TNPO1: variants seen among roughly 807,000 people sequenced by gnomAD.
TNPO1 encodes the protein transportin 1.
Under a neutral mutation model 119.5 loss-of-function variants are expected in TNPO1, and 8 were observed. That is an observed-to-expected ratio of 0.07 (90% confidence interval 0.04 to 0.12). The LOEUF (loss-of-function observed/expected upper bound fraction) is 0.12, where lower values mean the gene tolerates loss of function less well. Ranked by LOEUF, TNPO1 falls within the 10% of genes least tolerant of loss-of-function variation. TNPO1 has a pLI of 1.00. For synonymous variants in TNPO1, 362 were observed against 363.0 expected (o/e 1.00, Z 0.03); for missense variants, 576 against 1,089.8 (o/e 0.53, Z 6.64).
chr5:72,878,252 TA>T (rs566738588), intron 9 of TNPO1, among the ~76,000 whole-genome samples: 135 of 152,260 alleles, frequency 8.9e-4, no homozygotes, highest in African/African-American at 2.9e-3. Flanking sequence ...TCTTTGTCAA[TA>T]AAAGGTTGTT....
chr5:72,840,128 C>T (rs394274), intron 1 of TNPO1, among the ~76,000 whole-genome samples: 125,128 of 152,058 alleles, frequency 0.82, 51,717 homozygotes, highest in Non-Finnish European at 0.86. Context: ...TAACGCAGAC[C>T]GCTCATAGTC....
chr5:72,819,319 A>C (rs1450909980), intron 1 of TNPO1, among the ~76,000 whole-genome samples: 1 of 152,214 alleles, frequency 6.6e-6, no homozygotes, highest in Non-Finnish European at 1.5e-5. Flanking sequence ...ATGGAGACAG[A>C]CACACCATAT....
At chr5:72,891,262 C>T (rs1003536403) in intron 14 of TNPO1, among the ~76,000 whole-genome samples, 1 of 151,998 alleles carries the variant, frequency 6.6e-6, no homozygotes, top group Non-Finnish European at 1.5e-5. Flanking sequence ...GTCAGGAGAT[C>T]GACACCATCC....
intron 1 of TNPO1, among the ~76,000 whole-genome samples, chr5:72,843,370 G>C (rs1006928153): frequency 1.3e-4 from 20 of 152,136 alleles, no homozygotes; most frequent in Non-Finnish European, 2.9e-5. Context: ...GAGGCGGGCA[G>C]ATCACTTGAG....
In TNPO1 at chr5:72,899,770, T is replaced by A. The variant is rs577817719; in HGVS notation, c.2339-236T>A. On this transcript the variant is annotated intron_variant, in intron 20 of 24. Coordinates refer to ENST00000337273, the MANE Select transcript of TNPO1 (RefSeq NM_002270.4). The stretch of plus-strand genomic sequence containing the variant: ...TGTTCTCTCAATCTTTAGATTTTTT[T>A]AATTCCTTTTGTTTTTCTTTTTCCA... Among the ~76,000 whole-genome samples, 15 of 152,310 alleles carry A rather than the reference T, an allele frequency of 9.8e-5. No individual in the cohort carries two copies. In the East Asian group the frequency reaches 1.9e-3, roughly 20 times the overall value.
chr5:72,897,826 C>T (rs1167583769), intron 20 of TNPO1, among the ~76,000 whole-genome samples: 1 of 151,982 alleles, frequency 6.6e-6, no homozygotes. Flanking sequence ...CCTTTCTTTA[C>T]ATACTAAGAT....
chr5:72,913,403 A>G lies in TNPO1; in HGVS notation c.*4730A>G, dbSNP rs1324793244. On this transcript the variant is annotated 3_prime_UTR_variant, in exon 25 of 25. Transcript: ENST00000337273. ...TTAAGGTATACATTTAAATTACACA[A>G]TTGTTCATTGTGGTTTGTATCCCAG... 6.6e-6 allele frequency: 1 copy of G among 152,340 alleles called. No homozygotes were observed. Among genetic ancestry groups the G allele is most frequent in the Non-Finnish European group, 1.5e-5 (1 of 67,914 alleles). 9.4% of individuals were successfully genotyped at this position (152,340 alleles called of 1,614,324 possible).
chr5:72,869,145 A>C (rs1041379443), intron 6 of TNPO1, among the ~76,000 whole-genome samples: 1 of 152,200 alleles, frequency 6.6e-6, no homozygotes, highest in Middle Eastern at 3.2e-3. Context: ...CTTGAAAAAA[A>C]TTTTGGGTAA....
chr5:72,868,354 C>T (rs967182188), intron 6 of TNPO1, among the ~76,000 whole-genome samples: 3 of 135,390 alleles, frequency 2.2e-5, no homozygotes, highest in African/African-American at 5.5e-5. Flanking sequence ...ATGGCATGAA[C>T]CTGGGAGACG....
intron 9 of TNPO1, among the ~76,000 whole-genome samples, chr5:72,880,830 A>AAC (rs1748189194): frequency 6.6e-6 from 1 of 151,728 alleles, no homozygotes; most frequent in Admixed American, 6.6e-5. Context: ...AAAAAAAAAA[A>AAC]AAAACCTCAT....
intron 20 of TNPO1, among the ~76,000 whole-genome samples, chr5:72,898,914 G>GT (rs1282991304): frequency 6.6e-6 from 1 of 151,986 alleles, no homozygotes; most frequent in African/African-American, 2.4e-5. Context: ...AGGTTAACCT[G>GT]TAAGTTTTTG....
chr5:72,895,948 T>G (rs992002671), intron 18 of TNPO1, among the ~76,000 whole-genome samples: 2 of 152,218 alleles, frequency 1.3e-5, no homozygotes, highest in Non-Finnish European at 2.9e-5. Context: ...CCGAGTCCTT[T>G]CATTATGACA....
chr5:72,822,187 C>G (rs143813716), intron 1 of TNPO1, among the ~76,000 whole-genome samples: 1 of 152,260 alleles, frequency 6.6e-6, no homozygotes, highest in Admixed American at 6.5e-5. Context: ...TTTTAAAGCA[C>G]TCTACATCGA....
chr5:72,844,342 A>C (rs1404403077), intron 1 of TNPO1, among the ~76,000 whole-genome samples: 1 of 152,200 alleles, frequency 6.6e-6, no homozygotes, highest in Non-Finnish European at 1.5e-5. Flanking sequence ...TTGGAAAATC[A>C]GTGAATGAGG....
At chr5:72,882,282 C>T (rs1172192521) in intron 9 of TNPO1, among the ~76,000 whole-genome samples, 185 bp from the exon 10 acceptor site, 2 of 152,184 alleles carry the variant, frequency 1.3e-5, no homozygotes, top group Non-Finnish European at 2.9e-5. Context: ...TTATATTTGA[C>T]TGCTTCCTTT....
intron 1 of TNPO1, among the ~76,000 whole-genome samples, chr5:72,820,357 CT>C (rs1325180801): frequency 6.6e-6 from 1 of 152,072 alleles, no homozygotes; most frequent in African/African-American, 2.4e-5. Context: ...CTGCAAATTG[CT>C]TTTACTTAAG....
At chr5:72,858,884 G>A (rs1580407224) in intron 4 of TNPO1, among the ~76,000 whole-genome samples, 1 of 147,184 alleles carries the variant, frequency 6.8e-6, no homozygotes, top group African/African-American at 2.5e-5. Flanking sequence ...TTGTTGTTTT[G>A]TTTGTTTTGC....
At chr5:72,854,879 CATG>C (rs202144537) in intron 3 of TNPO1, among the ~76,000 whole-genome samples, 1,843 of 152,200 alleles carry the variant, frequency 0.012, 19 homozygotes, top group Non-Finnish European at 0.02. Context: ...AAATGAAAAA[CATG>C]ATATAAATTA....
At chr5:72,875,279 AATCAGG>A (rs1747677662) in intron 7 of TNPO1, among the ~76,000 whole-genome samples, 1 of 152,178 alleles carries the variant, frequency 6.6e-6, no homozygotes, top group African/African-American at 2.4e-5. Context: ...TCACCTTAAA[AATCAGG>A]GTTGGTAGGG....
Sources: gnomAD v4.1 joint callset for allele counts (sites outside exome capture counted in the v4.1 genomes callset) on GRCh38, gnomAD v4.1.1 for gene constraint, MANE v1.5 for transcripts, NCBI Gene and HGNC (gene_info 2026-07-23, HGNC 2026-07-21) for gene names.